Variants in UBAC2 observed in about 807,000 individuals in gnomAD.
UBAC2 encodes UBA domain containing 2.
In UBAC2, 26 loss-of-function variants were observed where a neutral mutation model predicts 44.0. That is an observed-to-expected ratio of 0.59 (90% CI 0.43 to 0.82). The LOEUF is 0.82. UBAC2 is among the 40% of genes least tolerant of loss of function. The pLI, the probability that UBAC2 is intolerant of heterozygous loss-of-function variation, is 0.00. For synonymous variants in UBAC2, 155 were observed against 154.3 expected (o/e 1.00, Z -0.04); for missense variants, 329 against 419.4 (o/e 0.78, Z 1.88).
intron 1 of UBAC2, chr13:99,215,623 G>A (rs1047144835): frequency 6.1e-6 from 8 of 1,318,152 alleles, no homozygotes; most frequent in East Asian, 4.6e-5. Flanking sequence ...GCACCCACAT[G>A]TCTGTGACCC....
intron 1 of UBAC2, among the ~76,000 whole-genome samples, chr13:99,225,572 A>G (rs1480181392): frequency 1.3e-5 from 2 of 152,168 alleles, no homozygotes; most frequent in South Asian, 2.1e-4. Context: ...GCCAGTGGAC[A>G]CTTGGGTTCC....
chr13:99,373,614 TGCTGAGGCCAAGAAAGGCCGTCAGG>T (rs1241408400), intron 8 of UBAC2, among the ~76,000 whole-genome samples: 1 of 152,162 alleles, frequency 6.6e-6, no homozygotes, highest in African/African-American at 2.4e-5. Flanking sequence ...GTTCGGGTGC[TGCTGAGGCCAAGAAAGGCCGTCAGG>T]GCAGTGGTGT....
intron 4 of UBAC2, chr13:99,295,000 G>A (rs2138716064): frequency 6.6e-7 from 1 of 1,522,568 alleles, no homozygotes; most frequent in South Asian, 1.3e-5. Context: ...GCTTTATAAG[G>A]GAAGTCCTGC....
At chr13:99,233,335 ACTC>A (rs1198120505) in intron 1 of UBAC2, among the ~76,000 whole-genome samples, 1 of 151,182 alleles carries the variant, frequency 6.6e-6, no homozygotes, top group Non-Finnish European at 1.5e-5. Flanking sequence ...CTGGTCTTGA[ACTC>A]CTGACCTCAT....
chr13:99,284,490 A>G (rs1175779957), intron 4 of UBAC2, among the ~76,000 whole-genome samples: 2 of 152,238 alleles, frequency 1.3e-5, no homozygotes, highest in Non-Finnish European at 2.9e-5. Context: ...CCCGTTATTA[A>G]CATTTTCCGC....
intron 4 of UBAC2, chr13:99,294,956 AAAG>A: frequency 7.5e-7 from 1 of 1,329,742 alleles, no homozygotes; most frequent in Non-Finnish European, 1.0e-6. Flanking sequence ...AAGAAATATA[AAAG>A]AATACTAATT....
intron 4 of UBAC2, among the ~76,000 whole-genome samples, chr13:99,250,634 G>A (rs1436451745): frequency 1.3e-5 from 2 of 152,100 alleles, no homozygotes; most frequent in Admixed American, 6.5e-5. Flanking sequence ...GCTAGGAATA[G>A]CCTTAAATCT....
At chr13:99,348,881 C>T (rs2045033835) in intron 7 of UBAC2, among the ~76,000 whole-genome samples, 1 of 152,166 alleles carries the variant, frequency 6.6e-6, no homozygotes, top group Admixed American at 6.5e-5. Context: ...GGCGTGGTGG[C>T]CTGTGCCTGT....
chr13:99,283,830 G>C (rs929292688), intron 4 of UBAC2, among the ~76,000 whole-genome samples: 1 of 131,380 alleles, frequency 7.6e-6, no homozygotes, highest in African/African-American at 2.8e-5. Context: ...TGCCTCCCGG[G>C]TTCAAGCTAT....
chr13:99,239,495 C>T (rs566548032), intron 2 of UBAC2, among the ~76,000 whole-genome samples: 8 of 152,292 alleles, frequency 5.3e-5, no homozygotes, highest in Non-Finnish European at 8.8e-5. Context: ...CTGGTGGTGG[C>T]GCCTGGGCAT....
intron 4 of UBAC2, among the ~76,000 whole-genome samples, chr13:99,288,472 T>A (rs1225416497): frequency 6.6e-6 from 1 of 152,176 alleles, no homozygotes; most frequent in Non-Finnish European, 1.5e-5. Flanking sequence ...AGGAAATAAT[T>A]TATTGTATTG....
Position 99,295,164 on chromosome 13 carries a change from T to C in UBAC2, c.390-18933T>C. 2 of 1,614,162 alleles carry C rather than the reference T, an allele frequency of 1.2e-6. No individual in the cohort carries two copies. The highest frequency in any genetic ancestry group is 1.7e-6 in the Non-Finnish European group (2 of 1,180,014). On this transcript the variant is annotated intron_variant, in intron 4 of 8. Coordinates refer to ENST00000403766, the MANE Select transcript of UBAC2 (RefSeq NM_001144072.2). The surrounding 1 kb of genome is among the most constrained non-coding windows in gnomAD (Gnocchi z 4.1). ...TTCACAGCACTAGAAATCGATACAC[T>C]GACTTGCCGTTTCAGCATCCTCATA...
intron 4 of UBAC2, among the ~76,000 whole-genome samples, chr13:99,310,602 C>T (rs2044398829): frequency 6.6e-6 from 1 of 152,136 alleles, no homozygotes; most frequent in South Asian, 2.1e-4. Flanking sequence ...TGCAGAACAG[C>T]CCATATAATT....
chr13:99,217,923 A>G (rs906015113), intron 1 of UBAC2, among the ~76,000 whole-genome samples: 1 of 152,072 alleles, frequency 6.6e-6, no homozygotes, highest in Non-Finnish European at 1.5e-5. Flanking sequence ...CTCTGTAGGC[A>G]CTTGAATTTA....
intron 6 of UBAC2, among the ~76,000 whole-genome samples, chr13:99,321,645 A>C (rs894801961): frequency 4.6e-5 from 7 of 152,210 alleles, no homozygotes; most frequent in African/African-American, 1.7e-4. Context: ...TTATTCTTGC[A>C]TAATTATAGA....
At chr13:99,305,935 G>A (rs1037695436) in intron 4 of UBAC2, among the ~76,000 whole-genome samples, 9 of 151,966 alleles carry the variant, frequency 5.9e-5, no homozygotes, top group Non-Finnish European at 1.2e-4. Context: ...TCGCATGGTC[G>A]CCCAGGCTAG....
intron 4 of UBAC2, among the ~76,000 whole-genome samples, chr13:99,306,728 A>G (rs1479539914): frequency 1.3e-5 from 2 of 152,186 alleles, no homozygotes; most frequent in Non-Finnish European, 2.9e-5. Flanking sequence ...ACAAGTATAA[A>G]CCACACAACA....
intron 5 of UBAC2, among the ~76,000 whole-genome samples, chr13:99,316,433 G>T (rs2138772051): frequency 6.6e-6 from 1 of 152,312 alleles, no homozygotes; most frequent in South Asian, 2.1e-4. Flanking sequence ...ATGAATGAAT[G>T]AATGAATGAA....
At chr13:99,249,956 ACATTAGACCTTTGT>A (rs1300625115) in intron 4 of UBAC2, among the ~76,000 whole-genome samples, 1 of 152,202 alleles carries the variant, frequency 6.6e-6, no homozygotes, top group Non-Finnish European at 1.5e-5. Flanking sequence ...CAGATTCTGG[ACATTAGACCTTTGT>A]CAGATGCAGT....
Sources: gnomAD v4.1 joint callset for allele counts (sites outside exome capture counted in the v4.1 genomes callset) on GRCh38, gnomAD v4.1.1 for gene constraint, Gnocchi (gnomAD v3.1) non-coding constraint, MANE v1.5 for transcripts, NCBI Gene and HGNC (gene_info 2026-07-23, HGNC 2026-07-21) for gene names.